The following CCDC138 variants were observed in gnomAD, a reference collection of about 807,000 sequenced individuals.
CCDC138 encodes coiled-coil domain-containing protein 138.
CCDC138 carries 66 observed loss-of-function variants against 82.3 expected under a neutral mutation model. The observed-to-expected ratio is 0.80, with a 90% CI of 0.66 to 0.98. CCDC138 has a LOEUF of 0.98. Ranked by LOEUF, CCDC138 falls within the 50% of genes least tolerant of loss-of-function variation. The pLI is 0.00. For missense variants in CCDC138, 816 were observed against 758.9 expected (o/e 1.08, Z -0.88); for synonymous variants, 297 against 265.4 (o/e 1.12, Z -1.16).
intron 12 of CCDC138, among the ~76,000 whole-genome samples, chr2:108,847,871 C>T (rs190832003): frequency 2.2e-4 from 34 of 152,230 alleles, no homozygotes; most frequent in African/African-American, 7.7e-4. Flanking sequence ...ATTTTGCCTC[C>T]TTATGGTTAT....
At chr2:108,789,945 G>A (rs1288138879) in intron 3 of CCDC138, among the ~76,000 whole-genome samples, 1 of 152,182 alleles carries the variant, frequency 6.6e-6, no homozygotes, top group Non-Finnish European at 1.5e-5. Context: ...AAATAAAGAT[G>A]TATCCATATA....
At chr2:108,804,865 A>G (rs1350175528) in intron 6 of CCDC138, 24 bp from the exon 7 acceptor site, 2 of 1,484,804 alleles carry the variant, frequency 1.3e-6, no homozygotes, top group Non-Finnish European at 8.9e-7. Context: ...GTTTTAGATG[A>G]GAGTTTTTTT....
At chr2:108,878,750 T>A (rs1323150745), downstream of CCDC138, among the ~76,000 whole-genome samples, 1 of 152,168 alleles carries the variant, frequency 6.6e-6, no homozygotes, top group Non-Finnish European at 1.5e-5. Context: ...AACTAAGAAT[T>A]GATGGGGCCT....
At chr2:108,845,404 A>G (rs1690263598) in intron 11 of CCDC138, among the ~76,000 whole-genome samples, 1 of 152,182 alleles carries the variant, frequency 6.6e-6, no homozygotes, top group Non-Finnish European at 1.5e-5. Context: ...ATACTGAGTT[A>G]GGAACCAGTT....
Position 108,791,748 on chromosome 2 carries a change from T to G in CCDC138, c.340T>G (p.Tyr114Asp), listed in dbSNP as rs2149430920. The change falls in exon 4 of 15, where the codon TAT becomes GAT. Residue 114 changes from tyrosine to aspartate, a missense_variant. By Grantham distance (160) the Tyr-to-Asp change is radical. Transcript: ENST00000295124. ...ETEEELIEND[Y>D]RVSTSKITKQ... is the part of the protein sequence containing the mutation. ...AGAAGAAGAGTTAATTGAAAATGAT[T>G]ATAGAGTTAGTACCTCGAAAATAAC... The G allele has an allele frequency of 3.1e-6, 5 of 1,606,212 alleles. No homozygotes were observed. The highest frequency in any genetic ancestry group is 4.3e-6 in the Non-Finnish European group (5 of 1,174,916).
intron 13 of CCDC138, among the ~76,000 whole-genome samples, chr2:108,867,310 T>G (rs1453547773): frequency 6.6e-6 from 1 of 151,994 alleles, no homozygotes; most frequent in Non-Finnish European, 1.5e-5. Flanking sequence ...GATTCCAGAG[T>G]GGGAATTACT....
At chr2:108,808,028 GT>G (rs1461421500) in intron 7 of CCDC138, among the ~76,000 whole-genome samples, 1 of 152,102 alleles carries the variant, frequency 6.6e-6, no homozygotes, top group Admixed American at 6.6e-5. Flanking sequence ...AGATCAACTT[GT>G]TTTTTAGCTT....
At chr2:108,823,306 C>G (rs940151115) in intron 10 of CCDC138, among the ~76,000 whole-genome samples, 3 of 152,180 alleles carry the variant, frequency 2.0e-5, no homozygotes, top group Non-Finnish European at 4.4e-5. Context: ...CTACATTACC[C>G]TGATACCAAA....
chr2:108,831,001 T>C (rs191068581), intron 10 of CCDC138, among the ~76,000 whole-genome samples: 2 of 151,886 alleles, frequency 1.3e-5, no homozygotes, highest in East Asian at 3.9e-4. Context: ...ATGGAGAAAC[T>C]CTGTCTCTAC....
chr2:108,873,071 ATTTGT>A (rs1275445919), intron 13 of CCDC138, among the ~76,000 whole-genome samples: 1 of 151,794 alleles, frequency 6.6e-6, no homozygotes. Context: ...AGGCTCTTTG[ATTTGT>A]TTTTTGTTTT....
At chr2:108,814,596 A>G (rs549993536) in intron 9 of CCDC138, among the ~76,000 whole-genome samples, 8 of 151,022 alleles carry the variant, frequency 5.3e-5, no homozygotes, top group Admixed American at 1.3e-4. Context: ...AATGTTGCCT[A>G]TTTATTAATT....
intron 11 of CCDC138, among the ~76,000 whole-genome samples, chr2:108,842,190 G>C (rs981113026): frequency 1.6e-5 from 2 of 127,320 alleles, no homozygotes; most frequent in African/African-American, 5.5e-5. Flanking sequence ...ACCACACCTG[G>C]CTAATTAAAA....
chr2:108,857,646 T>C (rs1430800906), intron 13 of CCDC138, among the ~76,000 whole-genome samples: 2 of 152,236 alleles, frequency 1.3e-5, no homozygotes, highest in Non-Finnish European at 2.9e-5. Flanking sequence ...TGTTAAAATA[T>C]TGGACTTACA....
intron 10 of CCDC138, among the ~76,000 whole-genome samples, chr2:108,830,636 G>T (rs953881243): frequency 3.3e-5 from 5 of 151,588 alleles, no homozygotes; most frequent in African/African-American, 1.2e-4. Flanking sequence ...GTGAAACTCT[G>T]TCTCTACTAA....
At chr2:108,862,285 CATTGGTG>C (rs1693765746) in intron 13 of CCDC138, among the ~76,000 whole-genome samples, 1 of 151,950 alleles carries the variant, frequency 6.6e-6, no homozygotes, top group African/African-American at 2.4e-5. Context: ...ACTATATGGG[CATTGGTG>C]ACCAGCTTTG....
chr2:108,788,138 G>T, intron 2 of CCDC138, 49 bp downstream of exon 2: 10 of 1,576,926 alleles, frequency 6.3e-6, no homozygotes, highest in Non-Finnish European at 8.6e-6. Context: ...TTAATTTGAG[G>T]CTGGGCGCGG....
intron 3 of CCDC138, among the ~76,000 whole-genome samples, chr2:108,789,907 TG>T (rs1301150302): frequency 6.6e-6 from 1 of 152,236 alleles, no homozygotes; most frequent in East Asian, 1.9e-4. Context: ...AGAAATGCTA[TG>T]GGTATCAAGA....
intron 11 of CCDC138, among the ~76,000 whole-genome samples, chr2:108,842,832 G>A (rs901351250): frequency 3.7e-4 from 57 of 152,190 alleles, no homozygotes; most frequent in African/African-American, 1.3e-3. Flanking sequence ...CAAATTATAA[G>A]CATTCACTAC....
In CCDC138 at chr2:108,798,403, A is replaced by G. The variant is rs749895086; in HGVS notation, c.577-25A>G. ...GCAGAATTTGTGACTTTTCAAGAGC[A>G]TTAAAGTCTGGCATTTTGATACAGT... On this transcript the variant is annotated intron_variant, in intron 5 of 14. Transcript: ENST00000295124. 1.0e-5 allele frequency: 16 copies of G among 1,597,936 alleles called. No individual in the cohort carries two copies. The Admixed American group carries it at 1.1e-4, about 11-fold the overall frequency.
Sources: allele counts gnomAD v4.1 joint callset (sites outside exome capture counted in the v4.1 genomes callset), GRCh38; gene constraint gnomAD v4.1.1; transcripts MANE v1.5; gene names NCBI Gene and HGNC (gene_info 2026-07-23, HGNC 2026-07-21).